The following ZNF701 variants were observed in gnomAD, a reference collection of about 807,000 sequenced individuals.
ZNF701 encodes the protein zinc finger protein 701.
A neutral mutation model predicts 7.1 loss-of-function variants in ZNF701; 6 were observed. That is an observed-to-expected ratio of 0.84 (90% CI 0.46 to 1.66). The LOEUF (loss-of-function observed/expected upper bound fraction) is 1.66. ZNF701 is among the 40% of genes most tolerant of loss of function. The pLI is 0.01. For missense variants in ZNF701, 541 were observed against 559.2 expected, an observed-to-expected ratio of 0.97 and a Z score of 0.33; for synonymous variants, 166 against 188.2, an observed-to-expected ratio of 0.88 and a Z score of 0.97.
intron 3 of ZNF701, among the ~76,000 whole-genome samples, chr19:52,580,043 A>G (rs557302917): frequency 7.1e-6 from 1 of 141,658 alleles, no homozygotes; most frequent in South Asian, 2.1e-4. Flanking sequence ...CCGGGGTCAC[A>G]CCATTCTCCT....
chr19:52,588,507 A>G, downstream of ZNF701: 1 of 275,506 alleles, frequency 3.6e-6, no homozygotes, highest in Admixed American at 4.0e-5. Flanking sequence ...AAGAAAAATT[A>G]AATCTCATAT....
chr19:52,593,244 T>G, the ZNF701 span, among the ~76,000 whole-genome samples: 3 of 118,722 alleles, frequency 2.5e-5, 1 homozygote, highest in Admixed American at 2.6e-4. Flanking sequence ...CCCCTTTCTA[T>G]TCTACAAAAC....
At chr19:52,571,333 G>A (rs1197599006) in intron 1 of ZNF701, among the ~76,000 whole-genome samples, 1 of 151,952 alleles carries the variant, frequency 6.6e-6, no homozygotes, top group African/African-American at 2.4e-5. Flanking sequence ...CAGCAGGGAG[G>A]ACGCCTGGGG....
At chr19:52,575,842 AAAGAT>A in intron 2 of ZNF701, 48 bp from the exon 3 acceptor site, 2 of 1,183,582 alleles carry the variant, frequency 1.7e-6, no homozygotes, top group East Asian at 5.0e-5. Context: ...CATTTTCTGT[AAAGAT>A]AAGATCTCCT....
the ZNF701 span, among the ~76,000 whole-genome samples, chr19:52,592,798 T>A: frequency 4.1e-5 from 2 of 48,338 alleles, 1 homozygote; most frequent in African/African-American, 1.7e-4. Context: ...TTATTTTTTT[T>A]ATTGATCATT....
rs1354109498 is a variant in ZNF701, at chr19:52,582,380, T to A, written c.321T>A (p.Asn107Lys). 1 of 1,613,716 alleles carries A rather than the reference T, an allele frequency of 6.2e-7. No individual in the cohort carries two copies. The highest frequency in any genetic ancestry group is 1.3e-5 in the African/African-American group (1 of 75,004). ...TTCAGTGGCAAGAAAATGAAACAAA[T>A]GGCCATGAAGCACTCATGACAAAAA... ...FVFQWQENET[N>K]GHEALMTKTK... The change falls in exon 4 of 4, where the codon AAT becomes AAA. Residue 107 changes from asparagine (N) to lysine (K), a missense_variant. Asn to Lys is a moderately conservative substitution (Grantham distance 94, BLOSUM62 0). Coordinates refer to ENST00000391785, the MANE Select transcript of ZNF701 (RefSeq NM_018260.3).
intron 3 of ZNF701, among the ~76,000 whole-genome samples, chr19:52,576,976 C>G (rs778020412): frequency 6.6e-6 from 1 of 151,120 alleles, no homozygotes; most frequent in Non-Finnish European, 1.5e-5. Context: ...GAAGCTCCAC[C>G]TTCAAATAGT....
Position 52,584,714 on chromosome 19 carries a change from T to C in ZNF701, c.*1257T>C, listed in dbSNP as rs2059997971. On this transcript the variant is annotated 3_prime_UTR_variant, in exon 4 of 4. Coordinates refer to ENST00000391785, the MANE Select transcript of ZNF701 (RefSeq NM_018260.3). ...AAATGGAAGTGTTTTTTAATTTTCG[T>C]TTAAATTTTTTATTGTTTATGGAAA... The C allele has an allele frequency of 6.6e-6, 1 of 152,272 alleles. No individual in the cohort carries two copies. Among genetic ancestry groups the C allele is most frequent in the African/African-American group, 2.4e-5 (1 of 41,476 alleles). 9.4% of individuals were successfully genotyped at this position (152,272 alleles called of 1,614,324 possible). A position where few individuals can be genotyped will look rare whatever the true frequency, so the allele number is the denominator to read the frequency against.
the ZNF701 span, among the ~76,000 whole-genome samples, chr19:52,599,198 T>G: frequency 6.7e-6 from 1 of 149,822 alleles, no homozygotes; most frequent in Admixed American, 6.6e-5. Context: ...CGGCTAACTT[T>G]GTTTTTTTTT....
At chr19:52,581,275 A>G (rs1041306266) in intron 3 of ZNF701, among the ~76,000 whole-genome samples, 1 of 152,202 alleles carries the variant, frequency 6.6e-6, no homozygotes, top group Admixed American at 6.5e-5. Flanking sequence ...GGTGGAGTGC[A>G]GTGGCACAAT....
chr19:52,576,286 A>T lies in ZNF701; in HGVS notation c.142+265A>T, dbSNP rs192098896. ...CCAGGCGTGGTGGCTCACACCTGTC[A>T]TCACAGCACTTTGGGAGGCTGAGGC... is the stretch of plus-strand genomic sequence containing the variant. On this transcript the variant is annotated intron_variant, in intron 3 of 3. Coordinates refer to ENST00000391785, the MANE Select transcript of ZNF701 (RefSeq NM_018260.3). Among the ~76,000 whole-genome samples the T allele has an allele frequency of 3.6e-3, 555 of 152,276 alleles. 4 individuals carry two copies. Among genetic ancestry groups the T allele is most frequent in the Middle Eastern group, 0.027 (8 of 294 alleles).
chr19:52,588,493 A>T (rs1183772603), downstream of ZNF701: 3 of 258,716 alleles, frequency 1.2e-5, no homozygotes, highest in Admixed American at 4.5e-5. Flanking sequence ...TCAAAAAAAA[A>T]AAAAAGAAAA....
rs770306962 is a variant in ZNF701 at position 52,582,844 on chromosome 19, G to C, written c.785G>C (p.Arg262Thr). The C allele has an allele frequency of 1.2e-6, 2 of 1,614,080 alleles. No homozygotes were observed. Among genetic ancestry groups the C allele is most frequent in the Non-Finnish European group, 1.7e-6 (2 of 1,180,028 alleles). Residue 262 changes from arginine to threonine, a missense_variant, in exon 4 of 4, where the codon AGA (arginine) becomes ACA (threonine). Physicochemically the swap from Arg to Thr is moderately conservative, Grantham distance 71. Transcript: ENST00000391785. The part of the protein sequence containing the change: ...FHQKRYLACH[R>T]CHTGENPYTC... ...CAGAAGCGATACCTTGCATGCCATA[G>C]ATGTCACACTGGTGAGAATCCTTAC...
chr19:52,595,437 T>G, the ZNF701 span, among the ~76,000 whole-genome samples: 1 of 48,086 alleles, frequency 2.1e-5, no homozygotes, highest in African/African-American at 8.6e-5. Flanking sequence ...ACCTGGCTAA[T>G]TTTTTTGTAT....
downstream of ZNF701, among the ~76,000 whole-genome samples, chr19:52,589,325 A>C (rs2060027534): frequency 6.6e-6 from 1 of 152,160 alleles, no homozygotes; most frequent in African/African-American, 2.4e-5. Flanking sequence ...ATGGACTTGT[A>C]TATTTAAAAT....
rs1409412531 is a variant in ZNF701 at position 52,586,634 on chromosome 19, CCTT to C, written c.*3181_*3183del. On this transcript the variant is annotated 3_prime_UTR_variant, in exon 4 of 4. Coordinates refer to ENST00000391785, the MANE Select transcript of ZNF701 (RefSeq NM_018260.3). ...CATCACATGAAAATCAGCGACTCTTCCTTCTTACAAAACTCGGAGCTTCTCAGG... is the reference window on the plus strand; with the variant it reads ...CATCACATGAAAATCAGCGACTCTTCCTTACAAAACTCGGAGCTTCTCAGG... 1.3e-5 allele frequency: 2 copies of C among 152,136 alleles called. No homozygotes were observed. Among genetic ancestry groups the C allele is most frequent in the African/African-American group, 2.4e-5 (1 of 41,440 alleles). 9.4% of individuals were successfully genotyped at this position (152,136 alleles called of 1,614,324 possible).
At chr19:52,576,263 A>G (rs895715839) in intron 3 of ZNF701, among the ~76,000 whole-genome samples, 1 of 152,174 alleles carries the variant, frequency 6.6e-6, no homozygotes, top group Non-Finnish European at 1.5e-5. Context: ...ATGGCAGGCC[A>G]GGCGTGGTGG....
chr19:52,580,102 C>T (rs1359667883), intron 3 of ZNF701, among the ~76,000 whole-genome samples: 15 of 141,408 alleles, frequency 1.1e-4, no homozygotes, highest in Admixed American at 8.8e-4. Flanking sequence ...CCACCACACC[C>T]GGCTATTTTT....
downstream of ZNF701, among the ~76,000 whole-genome samples, chr19:52,590,293 G>A (rs2060032043): frequency 6.6e-6 from 1 of 151,170 alleles, no homozygotes; most frequent in Non-Finnish European, 1.5e-5. Context: ...TAGAGACAGG[G>A]TTTTGCCATA....
Sources: allele counts gnomAD v4.1 joint callset (sites outside exome capture counted in the v4.1 genomes callset), GRCh38; gene constraint gnomAD v4.1.1; transcripts MANE v1.5; gene names NCBI Gene and HGNC (gene_info 2026-07-23, HGNC 2026-07-21).